The following DMBX1 variants were observed in gnomAD, a reference collection of about 807,000 sequenced individuals.
DMBX1 encodes the protein diencephalon/mesencephalon homeobox protein 1.
Under a neutral mutation model 30.4 loss-of-function variants are expected in DMBX1, and 7 were observed. That is an observed-to-expected ratio of 0.23 (90% CI 0.13 to 0.43). DMBX1 has a LOEUF of 0.43. Among genes scored for constraint, DMBX1 ranks in the 20% least tolerant of loss-of-function variants. The pLI, the probability that DMBX1 is intolerant of heterozygous loss-of-function variation, is 1.00. For missense variants in DMBX1, 460 were observed against 508.5 expected (o/e 0.90, Z 0.92); for synonymous variants, 222 against 214.2 (o/e 1.04, Z -0.32).
Position 46,512,419 on chromosome 1 carries a change from C to T in DMBX1, c.1059C>T (p.Thr353=). The change falls in exon 6 of 6, where the codon ACC becomes ACT. Residue 353 remains threonine, a synonymous_variant. Coordinates refer to ENST00000360032, the MANE Select transcript of DMBX1 (RefSeq NM_172225.2). The surrounding 1 kb of genome is among the most constrained non-coding windows in gnomAD (Gnocchi z 4.8). ...APASATLNSK[T]TSIENLRLRA... ...CATCAGCTACCCTGAACAGTAAAACCACAAGCATCGAGAACCTGCGGCTCC... is the reference window on the plus strand; with the variant it reads ...CATCAGCTACCCTGAACAGTAAAACTACAAGCATCGAGAACCTGCGGCTCC... 1 of 1,613,954 alleles carries T rather than the reference C, an allele frequency of 6.2e-7. No homozygotes were observed. The highest frequency in any genetic ancestry group is 8.5e-7 in the Non-Finnish European group (1 of 1,179,992).
chr1:46,495,647 C>G (rs1666013148), intron 2 of DMBX1, among the ~76,000 whole-genome samples: 1 of 152,148 alleles, frequency 6.6e-6, no homozygotes, highest in Non-Finnish European at 1.5e-5. Flanking sequence ...GTCACCGGAC[C>G]CAACTGGTGA....
At chr1:46,499,912 T>C (rs1666091987) in intron 2 of DMBX1, among the ~76,000 whole-genome samples, 1 of 152,212 alleles carries the variant, frequency 6.6e-6, no homozygotes, top group African/African-American at 2.4e-5. Context: ...CTGTTGTTGT[T>C]GTCATCATTG....
In DMBX1 at chr1:46,516,092, C is replaced by T. The variant is rs1021949056; in HGVS notation, c.*3598C>T. ...CTTAATTCACCCCTGCCTGTCCCCT[C>T]GCCTGCCCCCTGTGTAGTGCTGCAT... On this transcript the variant is annotated 3_prime_UTR_variant, in exon 6 of 6. Transcript: ENST00000360032. Among the ~76,000 whole-genome samples, 4 of 152,218 alleles carry T rather than the reference C, an allele frequency of 2.6e-5. No individual in the cohort carries two copies. The South Asian group carries it at 6.2e-4, about 24-fold the overall frequency.
intron 1 of DMBX1, among the ~76,000 whole-genome samples, chr1:46,490,314 GA>G (rs1665905549): frequency 1.3e-5 from 2 of 152,198 alleles, no homozygotes; most frequent in African/African-American, 4.8e-5. Context: ...GAACGCTTCG[GA>G]TCCGTCACGG....
Position 46,493,940 on chromosome 1 carries a change from A to C in DMBX1, c.-13+3157A>C, listed in dbSNP as rs1033435117. Among the ~76,000 whole-genome samples, 16 of 152,352 alleles carry C rather than the reference A, an allele frequency of 1.1e-4. No individual in the cohort carries two copies. The highest frequency in any genetic ancestry group is 2.2e-4 in the African/African-American group (9 of 41,592). On this transcript the variant is annotated intron_variant, in intron 2 of 5. Coordinates refer to ENST00000360032, the MANE Select transcript of DMBX1 (RefSeq NM_172225.2). This position sits in a 1 kb window ranked among gnomAD's most constrained non-coding sequence, Gnocchi z 4.1. ...AGCCCCGGCCTGGATCTGGATGGCC[A>C]AAAGTGGACCAGGTCATCCCTGACA... is the stretch of plus-strand genomic sequence containing the variant.
chr1:46,510,818 G>A lies in DMBX1; in HGVS notation c.334-117G>A. 1 of 1,336,538 alleles carries A rather than the reference G, an allele frequency of 7.5e-7. No homozygotes were observed. Among genetic ancestry groups the A allele is most frequent in the South Asian group, 1.5e-5 (1 of 67,718 alleles). The allele number at this position is 1,336,538 out of a possible 1,614,324, so 82.8% of individuals were successfully genotyped here. A position where few individuals can be genotyped will look rare whatever the true frequency, so the allele number is the denominator to read the frequency against. On this transcript the variant is annotated intron_variant, in intron 4 of 5. Transcript: ENST00000360032. The surrounding 1 kb of genome is among the most constrained non-coding windows in gnomAD (Gnocchi z 4.1). Reference sequence around the variant, plus strand: ...GAGTTTGGGAAGGGACAGAGGGTGTGCATTCCCTAGAGGGGTGGGGGGATG... The same window carrying A: ...GAGTTTGGGAAGGGACAGAGGGTGTACATTCCCTAGAGGGGTGGGGGGATG...
intron 1 of DMBX1, among the ~76,000 whole-genome samples, 32 bp downstream of exon 1, chr1:46,489,909 G>A (rs1665898488): frequency 6.6e-6 from 1 of 152,158 alleles, no homozygotes; most frequent in South Asian, 2.1e-4. Context: ...GGGCCGAGCC[G>A]GGAGTAGTGC....
At chr1:46,495,499 G>A (rs963474441) in intron 2 of DMBX1, among the ~76,000 whole-genome samples, 3 of 152,170 alleles carry the variant, frequency 2.0e-5, no homozygotes, top group Non-Finnish European at 4.4e-5. Context: ...GGGATTATGA[G>A]GTTGTGAAGA....
intron 2 of DMBX1, among the ~76,000 whole-genome samples, chr1:46,504,694 G>A (rs1242025784): frequency 1.3e-5 from 2 of 150,990 alleles, no homozygotes; most frequent in Non-Finnish European, 2.9e-5. Context: ...ACTTGGCGAT[G>A]TGGGCTCTTT....
chr1:46,515,195 G>A lies in DMBX1; in HGVS notation c.*2701G>A, dbSNP rs947421312. On this transcript the variant is annotated 3_prime_UTR_variant, in exon 6 of 6. Transcript: ENST00000360032. ...GTGACAGAGGAGGTTTTTGGTTTGGGAGGGATTTTGTGGCCAATAGCCCAT... is the reference window on the plus strand; with the variant it reads ...GTGACAGAGGAGGTTTTTGGTTTGGAAGGGATTTTGTGGCCAATAGCCCAT... Among the ~76,000 whole-genome samples the A allele has an allele frequency of 2.0e-5, 3 of 152,302 alleles. No individual in the cohort carries two copies. Among genetic ancestry groups the A allele is most frequent in the Non-Finnish European group, 4.4e-5 (3 of 68,028 alleles).
At chr1:46,496,729 C>T (rs1482653353) in intron 2 of DMBX1, among the ~76,000 whole-genome samples, 1 of 152,162 alleles carries the variant, frequency 6.6e-6, no homozygotes, top group Admixed American at 6.5e-5. Context: ...CTGGGTTACA[C>T]ACTTCTCATG....
rs1665929742 is a variant in DMBX1 at position 46,491,577 on chromosome 1, A to G, written c.-13+794A>G. Among the ~76,000 whole-genome samples, 1 of 152,162 alleles carries G rather than the reference A, an allele frequency of 6.6e-6. No individual in the cohort carries two copies. Reference sequence around the variant, plus strand: ...AGGGTTGTGTGCTCCACAGCCGAGGAAATTGTGCAAGTTCCTACCTGGCTG... The same window carrying G: ...AGGGTTGTGTGCTCCACAGCCGAGGGAATTGTGCAAGTTCCTACCTGGCTG... On this transcript the variant is annotated intron_variant, in intron 2 of 5. Coordinates refer to ENST00000360032, the MANE Select transcript of DMBX1 (RefSeq NM_172225.2). This position sits in a 1 kb window ranked among gnomAD's most constrained non-coding sequence, Gnocchi z 5.5.
At chr1:46,502,755 G>A (rs147058287) in intron 2 of DMBX1, among the ~76,000 whole-genome samples, 1 of 152,118 alleles carries the variant, frequency 6.6e-6, no homozygotes, top group Non-Finnish European at 1.5e-5. Flanking sequence ...CCAGCATGAT[G>A]GTAGTCCCAG....
At chr1:46,492,904 A>C (rs1288146769) in intron 2 of DMBX1, among the ~76,000 whole-genome samples, 1 of 152,122 alleles carries the variant, frequency 6.6e-6, no homozygotes, top group Non-Finnish European at 1.5e-5. Flanking sequence ...AACAGTCCCA[A>C]GTGTCACAGC....
rs1213095894 is a variant in DMBX1, at chr1:46,501,190, C to CT, written c.-12-5808dup. On this transcript the variant is annotated intron_variant, in intron 2 of 5. Coordinates refer to ENST00000360032, the MANE Select transcript of DMBX1 (RefSeq NM_172225.2). ...TGTCTCTTTCTTTCTGTTTCTTTCT[C>CT]TCCCTTCCTTCCTTCCTTCCTTCCT... Among the ~76,000 whole-genome samples, 29 of 63,712 alleles carry CT rather than the reference C, an allele frequency of 4.6e-4. 1 individual carries two copies. In the South Asian group the frequency reaches 8.5e-3, roughly 19 times the overall value. 41.8% of individuals were successfully genotyped at this position (63,712 alleles called of 152,430 possible).
Position 46,512,101 on chromosome 1 carries a change from C to T in DMBX1, c.741C>T (p.Pro247=). The T allele has an allele frequency of 6.2e-7, 1 of 1,613,810 alleles. No individual in the cohort carries two copies. The highest frequency in any genetic ancestry group is 1.1e-5 in the South Asian group (1 of 91,082). The change falls in exon 6 of 6, where the codon CCC becomes CCT. Residue 247 remains proline (P), a synonymous_variant. Transcript: ENST00000360032. The surrounding 1 kb of genome is among the most constrained non-coding windows in gnomAD (Gnocchi z 4.8). The part of the protein sequence containing the change: ...PVAPGGGLLG[P]SHSYSSSPLS... ...CCCCAGGGGGTGGCCTCCTGGGCCC[C>T]TCCCACTCCTATTCCTCGTCCCCGC...
chr1:46,502,701 A>G (rs1249431123), intron 2 of DMBX1, among the ~76,000 whole-genome samples: 2 of 152,146 alleles, frequency 1.3e-5, no homozygotes, highest in Non-Finnish European at 2.9e-5. Flanking sequence ...AGCCTGGACA[A>G]CATAGTGAGA....
Position 46,510,454 on chromosome 1 carries a change from T to TC in DMBX1, c.155-20dup. 1 of 1,610,416 alleles carries TC rather than the reference T, an allele frequency of 6.2e-7. No homozygotes were observed. The highest frequency in any genetic ancestry group is 8.5e-7 in the Non-Finnish European group (1 of 1,178,404). Reference sequence around the variant, plus strand: ...TTAAATGGGCCCCCTCTCCTTGCCCTCCAACGGCTGTACATTTCAAGACAT... The same window carrying TC: ...TTAAATGGGCCCCCTCTCCTTGCCCTCCCAACGGCTGTACATTTCAAGACAT... On this transcript the variant is annotated intron_variant, in intron 3 of 5. Transcript: ENST00000360032. This position sits in a 1 kb window ranked among gnomAD's most constrained non-coding sequence, Gnocchi z 4.1.
chr1:46,500,623 C>T (rs528646298), intron 2 of DMBX1, among the ~76,000 whole-genome samples: 7 of 151,822 alleles, frequency 4.6e-5, no homozygotes, highest in Non-Finnish European at 8.8e-5. Context: ...TGCTATCTCC[C>T]AGAGATAACC....
Sources: gnomAD v4.1 joint callset for allele counts (sites outside exome capture counted in the v4.1 genomes callset) on GRCh38, gnomAD v4.1.1 for gene constraint, Gnocchi (gnomAD v3.1) non-coding constraint, MANE v1.5 for transcripts, NCBI Gene and HGNC (gene_info 2026-07-23, HGNC 2026-07-21) for gene names.